Variants in TCERG1L observed in about 807,000 individuals in gnomAD.
The protein encoded by TCERG1L is transcription elongation regulator 1-like protein.
In TCERG1L, 37 loss-of-function variants were observed where a neutral mutation model predicts 56.3. The ratio of observed to expected loss-of-function variants is 0.66; its 90% CI spans 0.51 to 0.87. TCERG1L has a LOEUF of 0.87. Ranked by LOEUF, TCERG1L falls within the 40% of genes least tolerant of loss-of-function variation. The pLI, the probability that TCERG1L is intolerant of heterozygous loss-of-function variation, is 0.00. For missense variants in TCERG1L, 799 were observed against 774.2 expected (o/e 1.03, Z -0.38); for synonymous variants, 324 against 326.3 (o/e 0.99, Z 0.08).
chr10:131,143,940 T>C lies in TCERG1L; in HGVS notation c.1189+2566A>G, dbSNP rs182620085. On this transcript the variant is annotated intron_variant, in intron 7 of 11. Coordinates refer to ENST00000368642, the MANE Select transcript of TCERG1L (RefSeq NM_174937.4). ...GTGCTAACAGAATGACAAAGCGGACTCTTTCCTTATCTGTGGAATGACGAA... is the reference window on the plus strand; with the variant it reads ...GTGCTAACAGAATGACAAAGCGGACCCTTTCCTTATCTGTGGAATGACGAA... 5.9e-5 allele frequency among the ~76,000 whole-genome samples: 9 copies of C among 152,334 alleles called. No individual in the cohort carries two copies. In the East Asian group the frequency reaches 1.7e-3, roughly 29 times the overall value.
At chr10:131,135,437 G>A (rs967752621) in intron 7 of TCERG1L, among the ~76,000 whole-genome samples, 2 of 152,160 alleles carry the variant, frequency 1.3e-5, no homozygotes, top group African/African-American at 2.4e-5. Context: ...TTCAACAATC[G>A]CAGGGGCCTC....
intron 3 of TCERG1L, among the ~76,000 whole-genome samples, chr10:131,285,594 T>C (rs573155141): frequency 6.6e-6 from 1 of 151,622 alleles, no homozygotes; most frequent in South Asian, 2.1e-4. Flanking sequence ...AAAAATGAGA[T>C]GGCAGGGCAG....
At chr10:131,208,182 G>C (rs1274957188) in intron 4 of TCERG1L, among the ~76,000 whole-genome samples, 4 of 152,224 alleles carry the variant, frequency 2.6e-5, no homozygotes, top group African/African-American at 7.2e-5. Flanking sequence ...CTTGATGCCT[G>C]AGCCAAAGCG....
intron 4 of TCERG1L, among the ~76,000 whole-genome samples, chr10:131,188,242 G>A (rs965010104): frequency 3.9e-5 from 6 of 152,186 alleles, no homozygotes; most frequent in African/African-American, 1.2e-4. Context: ...CATTGATGGC[G>A]AGGTTTATGA....
At chr10:131,287,193 A>T (rs1375846481) in intron 3 of TCERG1L, among the ~76,000 whole-genome samples, 1 of 152,264 alleles carries the variant, frequency 6.6e-6, no homozygotes, top group Non-Finnish European at 1.5e-5. Flanking sequence ...GGAAACTTCC[A>T]GTAAGAAGAA....
chr10:131,213,762 T>C (rs1390478568), intron 4 of TCERG1L, among the ~76,000 whole-genome samples: 1 of 152,208 alleles, frequency 6.6e-6, no homozygotes, highest in Non-Finnish European at 1.5e-5. Context: ...GCAAGGGCAC[T>C]GGCACACACA....
chr10:131,134,027 C>T (rs981358681), intron 8 of TCERG1L, among the ~76,000 whole-genome samples: 1 of 152,190 alleles, frequency 6.6e-6, no homozygotes, highest in African/African-American at 2.4e-5. Context: ...GGCTGCCTGA[C>T]CCCTAAACTC....
intron 4 of TCERG1L, among the ~76,000 whole-genome samples, chr10:131,216,408 C>T (rs901218818): frequency 3.9e-5 from 6 of 152,246 alleles, no homozygotes; most frequent in African/African-American, 1.4e-4. Context: ...TACAGTGAGG[C>T]CTTCAGTTTG....
At chr10:131,240,817 C>T (rs11598030) in intron 4 of TCERG1L, among the ~76,000 whole-genome samples, 19,441 of 152,208 alleles carry the variant, frequency 0.13, 1,486 homozygotes, top group Non-Finnish European at 0.17. Context: ...GAGAGAAACA[C>T]GGGCTTCTAG....
chr10:131,166,706 A>G, intron 5 of TCERG1L, 91 bp downstream of exon 5: 1 of 1,292,806 alleles, frequency 7.7e-7, no homozygotes, highest in Non-Finnish European at 1.1e-6. Flanking sequence ...CACAAACACC[A>G]TACAGCAAAC....
Position 131,112,981 on chromosome 10 carries a change from C to T in TCERG1L, c.1395+3818G>A, listed in dbSNP as rs1046213039. Among the ~76,000 whole-genome samples the T allele has an allele frequency of 3.5e-5, 5 of 142,146 alleles. 2 individuals are homozygous for T. The highest frequency in any genetic ancestry group is 7.9e-5 in the Non-Finnish European group (5 of 63,096). The allele number at this position is 142,146 out of a possible 152,430, so 93.3% of individuals were successfully genotyped here. On this transcript the variant is annotated intron_variant, in intron 9 of 11. Coordinates refer to ENST00000368642, the MANE Select transcript of TCERG1L (RefSeq NM_174937.4). ...AGCACAGGCAGAGTTCCCGTGAGTCCAGGTGGCCCCGGGTGGACCCGGGTA... is the reference window on the plus strand; with the variant it reads ...AGCACAGGCAGAGTTCCCGTGAGTCTAGGTGGCCCCGGGTGGACCCGGGTA...
chr10:131,116,865 G>A lies in TCERG1L; in HGVS notation c.1329C>T (p.Pro443=), dbSNP rs148828294. The part of the protein sequence containing the change: ...KREDKGTRTP[P]PQILLPLEER... ...CCTCCAGAGGCAGGAGGATCTGCGG[G>A]GGCGGCGTCCTTGTGCCTTTGTCCT... Residue 443 remains proline, a synonymous_variant, in exon 9 of 12, where the codon CCC becomes CCT. Coordinates refer to ENST00000368642, the MANE Select transcript of TCERG1L (RefSeq NM_174937.4). 4.0e-4 allele frequency: 629 copies of A among 1,591,242 alleles called. 7 individuals are homozygous for A. The highest frequency in any genetic ancestry group is 2.1e-3 in the South Asian group (185 of 87,350).
At chr10:131,236,743 AG>A (rs1245177243) in intron 4 of TCERG1L, among the ~76,000 whole-genome samples, 11 of 152,302 alleles carry the variant, frequency 7.2e-5, no homozygotes, top group Admixed American at 5.9e-4. Flanking sequence ...AGAATCCGCC[AG>A]GAGCCTCTCC....
intron 8 of TCERG1L, among the ~76,000 whole-genome samples, chr10:131,123,328 T>A: frequency 6.6e-6 from 1 of 152,170 alleles, no homozygotes; most frequent in Admixed American, 6.5e-5. Context: ...AACAAATGAA[T>A]GCAGCTGAGG....
chr10:131,179,146 G>A (rs1353217993), intron 4 of TCERG1L, among the ~76,000 whole-genome samples: 6 of 152,298 alleles, frequency 3.9e-5, no homozygotes, highest in Middle Eastern at 3.4e-3. Flanking sequence ...CAGGCTGCCC[G>A]GATCAGGAGG....
chr10:131,281,048 CCA>C (rs1471349435), intron 3 of TCERG1L, among the ~76,000 whole-genome samples: 3 of 152,168 alleles, frequency 2.0e-5, no homozygotes, highest in African/African-American at 7.2e-5. Flanking sequence ...TCACTGTGGT[CCA>C]CAGTGAAAAT....
intron 4 of TCERG1L, among the ~76,000 whole-genome samples, chr10:131,193,138 G>C (rs957086884): frequency 3.9e-5 from 6 of 152,168 alleles, no homozygotes; most frequent in Middle Eastern, 3.4e-3. Context: ...TATGTCTGTT[G>C]GTTTTTTATA....
intron 9 of TCERG1L, 43 bp downstream of exon 9, chr10:131,116,756 G>A (rs373684170): frequency 4.3e-4 from 664 of 1,542,482 alleles, no homozygotes; most frequent in Middle Eastern, 8.8e-4. Context: ...CTGTTCCCCC[G>A]GGTCTGCCGT....
chr10:131,245,176 C>T (rs370101459), intron 4 of TCERG1L, among the ~76,000 whole-genome samples: 1 of 152,182 alleles, frequency 6.6e-6, no homozygotes, highest in East Asian at 1.9e-4. Context: ...ACTGCTGCCA[C>T]CAGTGTGCAG....
Sources: allele counts gnomAD v4.1 joint callset (sites outside exome capture counted in the v4.1 genomes callset), GRCh38; gene constraint gnomAD v4.1.1; transcripts MANE v1.5; gene names NCBI Gene and HGNC (gene_info 2026-07-23, HGNC 2026-07-21).